TCP11L2: variants seen among roughly 807,000 people sequenced by gnomAD.
The protein encoded by TCP11L2 is T-complex protein 11-like protein 2.
In TCP11L2, 39 loss-of-function variants were observed where a neutral mutation model predicts 50.7. That is an observed-to-expected ratio of 0.77 (90% confidence interval 0.60 to 1.01). The LOEUF (loss-of-function observed/expected upper bound fraction) is 1.01. Among genes scored for constraint, TCP11L2 ranks in the 50% least tolerant of loss-of-function variants. TCP11L2 has a pLI of 0.00. For synonymous variants in TCP11L2, 192 were observed against 219.3 expected (o/e 0.88, Z 1.10); for missense variants, 612 against 614.7 (o/e 1.00, Z 0.05).
rs750201913 is a variant in TCP11L2 at position 106,346,522 on chromosome 12, A to G, written c.1552A>G (p.Thr518Ala). ...AMGKVDASPP[T>A]N Reference sequence around the variant, plus strand: ...GGGGAAGGTAGATGCTTCACCTCCTACTAACTAAAGAAGAACTGACATTGG... The same window carrying G: ...GGGGAAGGTAGATGCTTCACCTCCTGCTAACTAAAGAAGAACTGACATTGG... The change falls in exon 10 of 10, where the codon ACT (threonine) becomes GCT (alanine). Residue 518 changes from threonine to alanine, a missense_variant. Physicochemically the swap from Thr to Ala is moderately conservative, Grantham distance 58. Coordinates refer to ENST00000299045, the MANE Select transcript of TCP11L2 (RefSeq NM_152772.3). 2.1e-5 allele frequency: 34 copies of G among 1,611,802 alleles called. No homozygotes were observed. Among genetic ancestry groups the G allele is most frequent in the Non-Finnish European group, 2.9e-5 (34 of 1,178,980 alleles).
upstream of TCP11L2, among the ~76,000 whole-genome samples, chr12:106,298,010 C>T (rs1013384830): frequency 1.3e-5 from 2 of 152,152 alleles, no homozygotes; most frequent in African/African-American, 2.4e-5. Context: ...GTAGGGAGCA[C>T]TAAGAATATT....
In TCP11L2 at chr12:106,311,250, C is replaced by G. The variant is rs372571600; in HGVS notation, c.157+18C>G. 6.2e-7 allele frequency: 1 copy of G among 1,611,386 alleles called. No individual in the cohort carries two copies. Among genetic ancestry groups the G allele is most frequent in the Non-Finnish European group, 8.5e-7 (1 of 1,178,186 alleles). ...TCCTGCTTGTGAGCCGATGGGGGAG[C>G]AGGGGTTGTGGGTGGCAGGGGTACT... is the stretch of plus-strand genomic sequence containing the variant. On this transcript the variant is annotated intron_variant, in intron 2 of 9. Coordinates refer to ENST00000299045, the MANE Select transcript of TCP11L2 (RefSeq NM_152772.3).
intron 5 of TCP11L2, among the ~76,000 whole-genome samples, chr12:106,322,530 G>A (rs1310391898): frequency 6.6e-6 from 1 of 152,194 alleles, no homozygotes; most frequent in Non-Finnish European, 1.5e-5. Context: ...CTAAGGAAGT[G>A]GGGTGCATAT....
intron 1 of TCP11L2, among the ~76,000 whole-genome samples, chr12:106,308,892 C>T (rs1230684317): frequency 6.6e-6 from 1 of 152,112 alleles, no homozygotes; most frequent in Admixed American, 6.5e-5. Context: ...ATATACTTGG[C>T]GCTGGTCATG....
upstream of TCP11L2, among the ~76,000 whole-genome samples, chr12:106,301,243 T>C (rs1002810595): frequency 6.6e-6 from 1 of 152,200 alleles, no homozygotes; most frequent in Non-Finnish European, 1.5e-5. Context: ...GGTTGTATAT[T>C]TTAGGAGAAG....
chr12:106,306,120 G>A (rs983107105), intron 1 of TCP11L2, among the ~76,000 whole-genome samples: 1 of 152,216 alleles, frequency 6.6e-6, no homozygotes, highest in Non-Finnish European at 1.5e-5. Context: ...TAATAGAGTG[G>A]TATTTAAGCT....
intron 4 of TCP11L2, among the ~76,000 whole-genome samples, chr12:106,320,617 A>G (rs866237363): frequency 2.6e-4 from 40 of 152,294 alleles, no homozygotes; most frequent in African/African-American, 9.4e-4. Flanking sequence ...CTGCAGTGGA[A>G]TGGCATCCTG....
chr12:106,323,412 G>A (rs2035412808), intron 5 of TCP11L2, 98 bp from the exon 6 acceptor site: 2 of 1,099,234 alleles, frequency 1.8e-6, no homozygotes, highest in Admixed American at 6.2e-5. Flanking sequence ...AACCATTTTG[G>A]GGATGTTTAT....
intron 3 of TCP11L2, among the ~76,000 whole-genome samples, chr12:106,315,530 A>G (rs576789817): frequency 5.6e-4 from 86 of 152,342 alleles, no homozygotes; most frequent in Middle Eastern, 3.4e-3. Context: ...ATTGTCTAGC[A>G]TAGTGCCTGA....
At position 106,346,600 on chromosome 12, in the gene TCP11L2, C is replaced by G; in HGVS notation, c.*70C>G. On this transcript the variant is annotated 3_prime_UTR_variant, in exon 10 of 10. Transcript: ENST00000299045. ...GTATCCAGTCCACTTCCATTGATGG[C>G]ATTAGAGATCCAGCACATTCTCAGT... 1 of 1,537,906 alleles carries G rather than the reference C, an allele frequency of 6.5e-7. No homozygotes were observed. Among genetic ancestry groups the G allele is most frequent in the East Asian group, 2.3e-5 (1 of 44,382 alleles).
chr12:106,314,950 G>A (rs1377658580), intron 3 of TCP11L2, among the ~76,000 whole-genome samples: 1 of 149,318 alleles, frequency 6.7e-6, no homozygotes, highest in African/African-American at 2.5e-5. Context: ...GGACTGCAGT[G>A]AGCTCTCATC....
rs2035665688 is a variant in TCP11L2 at position 106,329,324 on chromosome 12, C to T, written c.772+5678C>T. On this transcript the variant is annotated intron_variant, in intron 6 of 9. Coordinates refer to ENST00000299045, the MANE Select transcript of TCP11L2 (RefSeq NM_152772.3). ...TGAGTGGAAAAATTCTTAATCCTGT[C>T]CCCAGGAAAAGCCGAGGTTGCAGGT... 2.6e-6 allele frequency: 4 copies of T among 1,536,062 alleles called. No individual in the cohort carries two copies. In the East Asian group the frequency reaches 9.8e-5, roughly 38 times the overall value.
upstream of TCP11L2, among the ~76,000 whole-genome samples, chr12:106,298,888 G>T (rs1198526419): frequency 6.6e-6 from 1 of 151,616 alleles, no homozygotes; most frequent in Non-Finnish European, 1.5e-5. Context: ...TGCAATCCTG[G>T]CTCACTGCAA....
chr12:106,341,745 T>C, intron 9 of TCP11L2, among the ~76,000 whole-genome samples: 1 of 152,170 alleles, frequency 6.6e-6, no homozygotes, highest in East Asian at 1.9e-4. Context: ...CAGGATGGCT[T>C]TAGCTCCAGC....
intron 3 of TCP11L2, 110 bp downstream of exon 3, chr12:106,314,603 CAGAGAG>C: frequency 1.6e-6 from 1 of 643,462 alleles, no homozygotes; most frequent in Admixed American, 3.2e-5. Context: ...GAGAGAGAGA[CAGAGAG>C]AGAGATAGAC....
At chr12:106,325,227 A>T (rs1482694907) in intron 6 of TCP11L2, 7 of 152,236 alleles carry the variant, frequency 4.6e-5, no homozygotes, top group Admixed American at 4.6e-4. Flanking sequence ...CTAGGAAGGC[A>T]GCTTGGCTCC....
At chr12:106,329,420 C>T (rs2035669876) in intron 6 of TCP11L2, 1 of 1,535,514 alleles carries the variant, frequency 6.5e-7, no homozygotes, top group Admixed American at 2.0e-5. Flanking sequence ...AGAGTGAAGT[C>T]TCTGCCGATC....
intron 6 of TCP11L2, chr12:106,325,463 A>G (rs2035502373): frequency 6.6e-6 from 1 of 152,200 alleles, no homozygotes; most frequent in South Asian, 2.1e-4. Context: ...GTATTTGGAG[A>G]AGGAAGGCAT....
intron 1 of TCP11L2, among the ~76,000 whole-genome samples, chr12:106,308,545 A>G (rs1488522401): frequency 6.6e-6 from 1 of 152,240 alleles, no homozygotes; most frequent in Non-Finnish European, 1.5e-5. Context: ...AAAAACAGCC[A>G]GAGCTCATTT....
Sources: gnomAD v4.1 joint callset for allele counts (sites outside exome capture counted in the v4.1 genomes callset) on GRCh38, gnomAD v4.1.1 for gene constraint, MANE v1.5 for transcripts, NCBI Gene and HGNC (gene_info 2026-07-23, HGNC 2026-07-21) for gene names.